EGFR: variants seen among roughly 807,000 people sequenced by gnomAD.
EGFR encodes the protein avian erythroblastic leukemia viral (v-erb-b) oncogene homolog.
A neutral mutation model predicts 143.0 loss-of-function variants in EGFR; 58 were observed. That is an observed-to-expected ratio of 0.41 (90% CI 0.33 to 0.50). The LOEUF is 0.50. Ranked by LOEUF, EGFR falls within the 20% of genes least tolerant of loss-of-function variation. The pLI is 0.39. For missense variants in EGFR, 1,307 were observed against 1,579.0 expected (o/e 0.83, Z 2.92); for synonymous variants, 613 against 594.4 (o/e 1.03, Z -0.45).
At chr7:55,076,948 C>T (rs1335058967) in intron 1 of EGFR, among the ~76,000 whole-genome samples, 1 of 151,800 alleles carries the variant, frequency 6.6e-6, no homozygotes, top group South Asian at 2.1e-4. Context: ...AGACCTAAGC[C>T]ATCCTCTGCT....
intron 1 of EGFR, among the ~76,000 whole-genome samples, chr7:55,030,694 C>T (rs1297070156): frequency 6.6e-6 from 1 of 152,210 alleles, no homozygotes; most frequent in Non-Finnish European, 1.5e-5. Flanking sequence ...TGAAGGCATA[C>T]ACTTAACCTC....
intron 1 of EGFR, among the ~76,000 whole-genome samples, chr7:55,074,967 A>G (rs79186456): frequency 0.018 from 2,740 of 152,336 alleles, 41 homozygotes; most frequent in Middle Eastern, 0.065. Flanking sequence ...AATCACATTC[A>G]TGGAAAATCA....
Position 55,172,984 on chromosome 7 carries a change from C to T in EGFR, c.1921C>T (p.Pro641Ser), listed in dbSNP as rs1467090960. 1 of 1,614,186 alleles carries T rather than the reference C, an allele frequency of 6.2e-7. No individual in the cohort carries two copies. The highest frequency in any genetic ancestry group is 1.1e-5 in the South Asian group (1 of 91,082). Residue 641 changes from proline (P) to serine (S), a missense_variant and splice_region_variant, in exon 17 of 28, where the codon CCT (proline) becomes TCT (serine). Transcript: ENST00000275493. The part of the protein sequence containing the change: ...PGLEGCPTNG[P>S]KIPSIATGMV... Reference sequence around the variant, plus strand: ...CCTTGTTCCTCCACCTCATTCCAGGCCTAAGATCCCGTCCATCGCCACTGG... The same window carrying T: ...CCTTGTTCCTCCACCTCATTCCAGGTCTAAGATCCCGTCCATCGCCACTGG...
At chr7:55,066,675 G>A (rs183159103) in intron 1 of EGFR, among the ~76,000 whole-genome samples, 44 of 152,292 alleles carry the variant, frequency 2.9e-4, no homozygotes, top group Non-Finnish European at 3.5e-4. Context: ...GTGCTGGGGT[G>A]GGGTGGGGTT....
At chr7:55,114,790 A>T (rs1792728577) in intron 1 of EGFR, among the ~76,000 whole-genome samples, 1 of 151,536 alleles carries the variant, frequency 6.6e-6, no homozygotes, top group African/African-American at 2.4e-5. Flanking sequence ...AATTCTAAAT[A>T]TATTGTTACC....
chr7:55,141,034 A>T (rs532649032), intron 1 of EGFR, among the ~76,000 whole-genome samples: 16 of 152,358 alleles, frequency 1.1e-4, no homozygotes, highest in African/African-American at 3.4e-4. Context: ...ATGCACATGT[A>T]AAAAGCATTG....
intron 1 of EGFR, among the ~76,000 whole-genome samples, chr7:55,063,815 T>G (rs1789341256): frequency 1.3e-5 from 2 of 152,174 alleles, no homozygotes; most frequent in Non-Finnish European, 2.9e-5. Flanking sequence ...CTCCACAGCT[T>G]GAGGACCGTC....
chr7:55,058,043 A>T (rs1171011407), intron 1 of EGFR, among the ~76,000 whole-genome samples: 2 of 152,250 alleles, frequency 1.3e-5, no homozygotes, highest in African/African-American at 2.4e-5. Flanking sequence ...TTCAAATACT[A>T]TTTGACCCAC....
intron 3 of EGFR, 61 bp downstream of exon 3, chr7:55,143,549 C>A (rs1794588880): frequency 2.5e-6 from 4 of 1,583,286 alleles, no homozygotes; most frequent in Non-Finnish European, 3.5e-6. Context: ...TCCGATGGCT[C>A]CCAGCGAGCT....
At chr7:55,197,124 ATTCT>A (rs1201486192) in intron 22 of EGFR, among the ~76,000 whole-genome samples, 1 of 152,114 alleles carries the variant, frequency 6.6e-6, no homozygotes. Flanking sequence ...AATGATATTG[ATTCT>A]TTCTATCCAT....
chr7:55,173,785 A>T (rs1373473592), intron 17 of EGFR, 136 bp from the exon 18 acceptor site: 1 of 1,363,378 alleles, frequency 7.3e-7, no homozygotes, highest in East Asian at 2.3e-5. Flanking sequence ...CTTCCAAATG[A>T]GCTGGCAAGT....
intron 11 of EGFR, among the ~76,000 whole-genome samples, chr7:55,159,442 GCAT>G (rs1371194106): frequency 6.6e-6 from 1 of 152,172 alleles, no homozygotes; most frequent in African/African-American, 2.4e-5. Flanking sequence ...CCACCCAATA[GCAT>G]CCTAGTGTCA....
intron 27 of EGFR, among the ~76,000 whole-genome samples, chr7:55,203,240 A>G (rs1787938106): frequency 7.2e-6 from 1 of 139,148 alleles, no homozygotes; most frequent in Non-Finnish European, 1.5e-5. Flanking sequence ...CCACACACAC[A>G]TACATGTATA....
intron 4 of EGFR, among the ~76,000 whole-genome samples, 187 bp downstream of exon 4, chr7:55,146,927 C>T (rs995019826): frequency 7.9e-5 from 12 of 152,146 alleles, no homozygotes; most frequent in Non-Finnish European, 1.6e-4. Context: ...TTTTTTGTGG[C>T]GGGTGGCAGC....
At chr7:55,201,688 G>A (rs745729521) in intron 25 of EGFR, 47 bp from the exon 26 acceptor site, 1 of 1,610,610 alleles carries the variant, frequency 6.2e-7, no homozygotes, top group Non-Finnish European at 8.5e-7. Flanking sequence ...AAGTGGATGA[G>A]ATGTGGTACA....
chr7:55,135,242 T>G (rs1479166853), intron 1 of EGFR, among the ~76,000 whole-genome samples: 1 of 151,924 alleles, frequency 6.6e-6, no homozygotes, highest in Non-Finnish European at 1.5e-5. Context: ...GTTCCCTAAC[T>G]CAAAATAAAG....
chr7:55,127,586 G>A (rs1301106030), intron 1 of EGFR, among the ~76,000 whole-genome samples: 4 of 151,926 alleles, frequency 2.6e-5, no homozygotes, highest in East Asian at 1.9e-4. Context: ...AAAATAATAC[G>A]CTTTGAATGG....
At chr7:55,149,189 T>C (rs915034658) in intron 4 of EGFR, among the ~76,000 whole-genome samples, 3 of 152,200 alleles carry the variant, frequency 2.0e-5, no homozygotes, top group Non-Finnish European at 4.4e-5. Context: ...AATATGTTAA[T>C]GGCTACCAGG....
intron 1 of EGFR, among the ~76,000 whole-genome samples, chr7:55,106,295 T>C (rs1030221930): frequency 4.6e-5 from 7 of 152,238 alleles, no homozygotes; most frequent in Admixed American, 4.6e-4. Flanking sequence ...TCCAGGTGTC[T>C]GTAGGGCCCC....
Sources: allele counts gnomAD v4.1 joint callset (sites outside exome capture counted in the v4.1 genomes callset), GRCh38; gene constraint gnomAD v4.1.1; transcripts MANE v1.5; gene names NCBI Gene and HGNC (gene_info 2026-07-23, HGNC 2026-07-21).